Variants in MBNL2 observed in about 807,000 individuals in gnomAD.
MBNL2 encodes muscleblind-like protein 2.
MBNL2 carries 17 observed loss-of-function variants against 41.9 expected under a neutral mutation model. The ratio of observed to expected loss-of-function variants is 0.41; its 90% CI spans 0.28 to 0.61. The LOEUF (loss-of-function observed/expected upper bound fraction) is 0.61, where lower values mean the gene tolerates loss of function less well. Among genes scored for constraint, MBNL2 ranks in the 20% least tolerant of loss-of-function variants. The pLI is 0.35. For synonymous variants in MBNL2, 195 were observed against 182.9 expected (o/e 1.07, Z -0.53); for missense variants, 336 against 505.6 (o/e 0.66, Z 3.22).
At chr13:97,365,866 G>A (rs1182166137) in intron 8 of MBNL2, among the ~76,000 whole-genome samples, 1 of 152,032 alleles carries the variant, frequency 6.6e-6, no homozygotes, top group Non-Finnish European at 1.5e-5. Context: ...CAGAGTAACT[G>A]TATTAGAATT....
chr13:97,270,193 C>T (rs977643854), intron 1 of MBNL2, among the ~76,000 whole-genome samples: 3 of 152,134 alleles, frequency 2.0e-5, no homozygotes, highest in South Asian at 2.1e-4. Flanking sequence ...TGAGACAGCA[C>T]CGTCAGTAGC....
At chr13:97,264,239 G>A (rs1332747661) in intron 1 of MBNL2, among the ~76,000 whole-genome samples, 1 of 150,968 alleles carries the variant, frequency 6.6e-6, no homozygotes, top group African/African-American at 2.4e-5. Flanking sequence ...GTGTTAGCCA[G>A]GATGGTCTCC....
chr13:97,225,944 G>A (rs2041528380), intron 1 of MBNL2, among the ~76,000 whole-genome samples: 1 of 152,222 alleles, frequency 6.6e-6, no homozygotes, highest in Non-Finnish European at 1.5e-5. Flanking sequence ...TCAGAAGAAT[G>A]AGGCAGGAAG....
Position 97,339,882 on chromosome 13 carries a change from GC to G in MBNL2, c.340-3133del, listed in dbSNP as rs200446197. Among the ~76,000 whole-genome samples, 294 of 142,032 alleles carry G rather than the reference GC, an allele frequency of 2.1e-3. 20 individuals are homozygous for G. Among genetic ancestry groups the G allele is most frequent in the African/African-American group, 5.5e-3 (207 of 37,464 alleles). 93.2% of individuals were successfully genotyped at this position (142,032 alleles called of 152,430 possible). On this transcript the variant is annotated intron_variant, in intron 3 of 8. Coordinates refer to ENST00000679496, the MANE Select transcript of MBNL2 (RefSeq NM_001382683.1). ...ACTGATTTGTGTGTGGGCGGGGGGG[GC>G]GTTGTTTTTCCTCTTTTGTTTTAAG...
chr13:97,155,393 T>A, the MBNL2 span, among the ~76,000 whole-genome samples: 6 of 139,472 alleles, frequency 4.3e-5, no homozygotes, highest in Middle Eastern at 3.8e-3. Flanking sequence ...TTTTTTTTTT[T>A]ATTTTTTTTT....
intron 7 of MBNL2, 74 bp downstream of exon 7, chr13:97,357,709 G>C (rs1414865033): frequency 6.9e-7 from 1 of 1,448,680 alleles, no homozygotes; most frequent in East Asian, 2.3e-5. Context: ...TAAGCTGTTT[G>C]GTGGCATCTA....
chr13:97,267,655 C>T (rs1244840410), intron 1 of MBNL2, among the ~76,000 whole-genome samples: 1 of 152,164 alleles, frequency 6.6e-6, no homozygotes, highest in Non-Finnish European at 1.5e-5. Flanking sequence ...GCCGCACCCA[C>T]CCCCTCTAGA....
At chr13:97,188,309 T>A in the MBNL2 span, among the ~76,000 whole-genome samples, 1 of 152,100 alleles carries the variant, frequency 6.6e-6, no homozygotes, top group Non-Finnish European at 1.5e-5. Context: ...AGTTCCTAAG[T>A]GGGCATACGG....
chr13:97,245,936 A>T (rs572409563), intron 1 of MBNL2, among the ~76,000 whole-genome samples: 1 of 152,332 alleles, frequency 6.6e-6, no homozygotes, highest in African/African-American at 2.4e-5. Flanking sequence ...TAGTGCCTTT[A>T]AAGCACCTAC....
rs530010499 is a variant in MBNL2 at position 97,365,788 on chromosome 13, T to C, written c.1048+617T>C. ...ATGCCTTGGTACAAACGTCTGTCTT[T>C]AGGACATATGGATTAGATCTATTTA... On this transcript the variant is annotated intron_variant, in intron 8 of 8. Coordinates refer to ENST00000679496, the MANE Select transcript of MBNL2 (RefSeq NM_001382683.1). Among the ~76,000 whole-genome samples the C allele has an allele frequency of 3.9e-5, 6 of 152,310 alleles. No homozygotes were observed. The East Asian group carries it at 9.6e-4, about 24-fold the overall frequency.
intron 1 of MBNL2, among the ~76,000 whole-genome samples, chr13:97,236,636 TC>T (rs1307054169): frequency 6.6e-6 from 1 of 152,124 alleles, no homozygotes; most frequent in Non-Finnish European, 1.5e-5. Flanking sequence ...CACTTGGACC[TC>T]CGCTTTTTAT....
intron 2 of MBNL2, among the ~76,000 whole-genome samples, chr13:97,332,376 C>A (rs954515875): frequency 7.9e-5 from 12 of 152,170 alleles, no homozygotes; most frequent in African/African-American, 2.9e-4. Context: ...ATAAAGGCAG[C>A]CAATTCAAAG....
Position 97,346,911 on chromosome 13 carries a change from C to A in MBNL2, c.648C>A (p.Thr216=), listed in dbSNP as rs762253952. The part of the protein sequence containing the change: ...TMIDTSDNTV[T]VCMDYIKGRC... ...TCGACACAAGTGACAACACCGTAACCGTTTGTATGGATTACATAAAGGGGC... is the reference window on the plus strand; with the variant it reads ...TCGACACAAGTGACAACACCGTAACAGTTTGTATGGATTACATAAAGGGGC... The change falls in exon 5 of 9, where the codon ACC becomes ACA. Residue 216 remains threonine, a synonymous_variant. Transcript: ENST00000679496. This position sits in a 1 kb window ranked among gnomAD's most constrained non-coding sequence, Gnocchi z 4.2. 1 of 1,614,100 alleles carries A rather than the reference C, an allele frequency of 6.2e-7. No homozygotes were observed. Among genetic ancestry groups the A allele is most frequent in the East Asian group, 2.2e-5 (1 of 44,860 alleles).
At chr13:97,280,010 A>G (rs1250767160) in intron 2 of MBNL2, among the ~76,000 whole-genome samples, 2 of 152,156 alleles carry the variant, frequency 1.3e-5, no homozygotes, top group South Asian at 4.1e-4. Flanking sequence ...TGAACAGTAG[A>G]CATTGTTTAA....
At chr13:97,300,086 A>T (rs1028937079) in intron 2 of MBNL2, among the ~76,000 whole-genome samples, 1 of 152,162 alleles carries the variant, frequency 6.6e-6, no homozygotes, top group Non-Finnish European at 1.5e-5. Flanking sequence ...CCAGGTCCCA[A>T]CCAGCCGTAA....
At chr13:97,235,340 G>A (rs1227248061) in intron 1 of MBNL2, among the ~76,000 whole-genome samples, 1 of 151,918 alleles carries the variant, frequency 6.6e-6, no homozygotes, top group Non-Finnish European at 1.5e-5. Context: ...CCACTCAAGA[G>A]CATGAGTTTT....
chr13:97,162,481 C>T, the MBNL2 span, among the ~76,000 whole-genome samples: 1 of 152,184 alleles, frequency 6.6e-6, no homozygotes, highest in African/African-American at 2.4e-5. Context: ...TATTTCACAC[C>T]TGTTACTTTT....
intron 1 of MBNL2, among the ~76,000 whole-genome samples, chr13:97,227,046 A>G (rs77597097): frequency 9.6e-6 from 1 of 103,980 alleles, no homozygotes; most frequent in Admixed American, 1.1e-4. Context: ...GTTACAAAAA[A>G]AAAAAACAAA....
chr13:97,153,700 T>G, the MBNL2 span, among the ~76,000 whole-genome samples: 1 of 152,190 alleles, frequency 6.6e-6, no homozygotes, highest in African/African-American at 2.4e-5. Context: ...GCATAATATG[T>G]ACCTCTGGCA....
Sources: gnomAD v4.1 joint callset for allele counts (sites outside exome capture counted in the v4.1 genomes callset) on GRCh38, gnomAD v4.1.1 for gene constraint, Gnocchi (gnomAD v3.1) non-coding constraint, MANE v1.5 for transcripts, NCBI Gene and HGNC (gene_info 2026-07-23, HGNC 2026-07-21) for gene names.